The following EIF2S1 variants were observed in gnomAD, a reference collection of about 807,000 sequenced individuals.
The protein encoded by EIF2S1 is eukaryotic translation initiation factor 2 subunit alpha, also known as eukaryotic translation initiation factor 2 subunit 1.
Under a neutral mutation model 33.5 loss-of-function variants are expected in EIF2S1, and 5 were observed. That is an observed-to-expected ratio of 0.15 (90% CI 0.08 to 0.31). EIF2S1 has a LOEUF of 0.31. Among genes scored for constraint, EIF2S1 ranks in the 10% least tolerant of loss-of-function variants. The probability of loss-of-function intolerance (pLI) is 1.00; values close to 1 mark genes in which losing one functional copy is unlikely to be tolerated. For missense variants in EIF2S1, 191 were observed against 384.6 expected (o/e 0.50, Z 4.21); for synonymous variants, 99 against 127.5 (o/e 0.78, Z 1.51).
At chr14:67,379,654 C>CTTTTT (rs541791101) in intron 4 of EIF2S1, among the ~76,000 whole-genome samples, 14 of 119,954 alleles carry the variant, frequency 1.2e-4, no homozygotes, top group Non-Finnish European at 1.6e-4. Flanking sequence ...TTTTCTTTTT[C>CTTTTT]TTTTTTTTTT....
chr14:67,383,145 C>G (rs1311247534), intron 7 of EIF2S1, among the ~76,000 whole-genome samples, 170 bp from the exon 8 acceptor site: 1 of 152,078 alleles, frequency 6.6e-6, no homozygotes, highest in Non-Finnish European at 1.5e-5. Flanking sequence ...AGTTTCACCT[C>G]TTATTTATGT....
In EIF2S1 at chr14:67,364,863, T is replaced by C. The variant is rs763111310; in HGVS notation, c.96T>C (p.Ala32=). Residue 32 remains alanine, a synonymous_variant, in exon 2 of 8, where the codon GCT becomes GCC. Transcript: ENST00000256383. ...TCAGATCCATTGCTGAAATGGGGGC[T>C]TATGTCAGCTTGCTGGAATACAACA... ...VNVRSIAEMG[A]YVSLLEYNNI... 1 of 1,614,054 alleles carries C rather than the reference T, an allele frequency of 6.2e-7. No individual in the cohort carries two copies.
At chr14:67,366,436 G>GA (rs1214824444) in intron 2 of EIF2S1, among the ~76,000 whole-genome samples, 1 of 152,070 alleles carries the variant, frequency 6.6e-6, no homozygotes, top group African/African-American at 2.4e-5. Flanking sequence ...GTTGCAATCA[G>GA]AAAAAATATG....
intron 2 of EIF2S1, among the ~76,000 whole-genome samples, chr14:67,368,205 G>T (rs1168786435): frequency 6.6e-6 from 1 of 152,224 alleles, no homozygotes; most frequent in Non-Finnish European, 1.5e-5. Flanking sequence ...AGGCAGAGCA[G>T]CGTAAACGGC....
intron 7 of EIF2S1, 57 bp downstream of exon 7, chr14:67,382,647 T>A (rs2085894108): frequency 6.3e-7 from 1 of 1,594,660 alleles, no homozygotes; most frequent in East Asian, 2.2e-5. Flanking sequence ...AAAGGAGTTC[T>A]TGTAGGTAAA....
In EIF2S1 at chr14:67,365,794, A is replaced by T. The variant is rs142589940; in HGVS notation, c.241+786A>T. On this transcript the variant is annotated intron_variant, in intron 2 of 7. Coordinates refer to ENST00000256383, the MANE Select transcript of EIF2S1 (RefSeq NM_004094.5). ...TCAACTTACCCTTCTGAATCTCCTCAGCCGTCTGGTTTACTGATACTTTCT... is the reference window on the plus strand; with the variant it reads ...TCAACTTACCCTTCTGAATCTCCTCTGCCGTCTGGTTTACTGATACTTTCT... Among the ~76,000 whole-genome samples, 20 of 152,298 alleles carry T rather than the reference A, an allele frequency of 1.3e-4. No homozygotes were observed. In the East Asian group the frequency reaches 1.5e-3, roughly 12 times the overall value.
In EIF2S1 at chr14:67,373,811, A is replaced by G. The variant is rs534700789; in HGVS notation, c.242-657A>G. ...ACATAGTTACTTGTATATGGTAGTC[A>G]TACAGTAGATTAGATAGTTTTAATT... On this transcript the variant is annotated intron_variant, in intron 2 of 7. Coordinates refer to ENST00000256383, the MANE Select transcript of EIF2S1 (RefSeq NM_004094.5). 7.9e-5 allele frequency among the ~76,000 whole-genome samples: 12 copies of G among 151,646 alleles called. No homozygotes were observed. The South Asian group carries it at 2.5e-3, about 32-fold the overall frequency.
At chr14:67,376,822 T>C (rs890325237) in intron 4 of EIF2S1, among the ~76,000 whole-genome samples, 3 of 152,222 alleles carry the variant, frequency 2.0e-5, no homozygotes, top group Non-Finnish European at 2.9e-5. Context: ...TTCCTAGTTA[T>C]TGTCCTAAGT....
rs759451377 is a variant in EIF2S1 at position 67,364,929 on chromosome 14, G to A, written c.162G>A (p.Arg54=). The change falls in exon 2 of 8, where the codon AGG becomes AGA. Residue 54 remains arginine, a synonymous_variant. Coordinates refer to ENST00000256383, the MANE Select transcript of EIF2S1 (RefSeq NM_004094.5). ...GMILLSELSR[R]RIRSINKLIR... ...TTCTTCTTAGTGAATTATCCAGAAGGCGTATCCGTTCTATCAACAAACTCA... is the reference window on the plus strand; with the variant it reads ...TTCTTCTTAGTGAATTATCCAGAAGACGTATCCGTTCTATCAACAAACTCA... 6 of 1,613,876 alleles carry A rather than the reference G, an allele frequency of 3.7e-6. No homozygotes were observed. In the South Asian group the frequency reaches 4.4e-5, roughly 12 times the overall value.
In EIF2S1 at chr14:67,360,388, C is replaced by G. The variant is rs552422395; in HGVS notation, c.-70C>G. ...GGATCGGCGGCCGGTGAGGGGGAAG[C>G]AAGTCTGGTCTCTGTGATTGAAGAA... On this transcript the variant is annotated 5_prime_UTR_variant, in exon 1 of 8. Coordinates refer to ENST00000256383, the MANE Select transcript of EIF2S1 (RefSeq NM_004094.5). 1.6e-4 allele frequency: 62 copies of G among 395,752 alleles called. No homozygotes were observed. The highest frequency in any genetic ancestry group is 1.2e-3 in the African/African-American group (59 of 48,684). The allele number at this position is 395,752 out of a possible 1,614,324, so 24.5% of individuals were successfully genotyped here.
At chr14:67,373,216 A>G (rs190272203) in intron 2 of EIF2S1, among the ~76,000 whole-genome samples, 8 of 152,300 alleles carry the variant, frequency 5.3e-5, no homozygotes, top group Admixed American at 2.0e-4. Context: ...TCCAGTTTTT[A>G]GTGGCTTCAG....
At chr14:67,374,409 G>T in intron 2 of EIF2S1, 59 bp from the exon 3 acceptor site, 1 of 1,055,166 alleles carries the variant, frequency 9.5e-7, no homozygotes, top group African/African-American at 1.6e-5. Flanking sequence ...TTCAAAGCTG[G>T]TTACAATAGT....
intron 2 of EIF2S1, among the ~76,000 whole-genome samples, chr14:67,365,988 A>T (rs145794384): frequency 6.0e-4 from 92 of 152,292 alleles, no homozygotes; most frequent in Non-Finnish European, 1.0e-4. Context: ...GCCCCGCCCA[A>T]AATTATTAAA....
chr14:67,366,065 A>G (rs908595114), intron 2 of EIF2S1, among the ~76,000 whole-genome samples: 2 of 151,576 alleles, frequency 1.3e-5, no homozygotes, highest in African/African-American at 4.8e-5. Flanking sequence ...TACCTAAAGT[A>G]GTGTCTAATC....
At chr14:67,382,051 C>G (rs2085890157) in intron 6 of EIF2S1, among the ~76,000 whole-genome samples, 1 of 151,990 alleles carries the variant, frequency 6.6e-6, no homozygotes, top group Non-Finnish European at 1.5e-5. Context: ...TGATCAGAAT[C>G]TTTCATTAGT....
At chr14:67,361,205 TTTAAA>T (rs1281995546) in intron 1 of EIF2S1, among the ~76,000 whole-genome samples, 2 of 152,220 alleles carry the variant, frequency 1.3e-5, no homozygotes, top group Admixed American at 1.3e-4. Context: ...ACTTAGGCTT[TTTAAA>T]TTTTTATTAA....
At position 67,383,907 on chromosome 14, in the gene EIF2S1, T is replaced by TAA. The variant is rs1389752039; in HGVS notation, c.*468_*469dup. 4.9e-6 allele frequency: 1 copy of TAA among 202,404 alleles called. No homozygotes were observed. The highest frequency in any genetic ancestry group is 2.4e-5 in the African/African-American group (1 of 42,158). 12.5% of individuals were successfully genotyped at this position (202,404 alleles called of 1,614,324 possible). ...TCACCAGTTAAAAGCATTTTAATAC[T>TAA]AAGACCCTAATTCTTTTATCTTTAT... On this transcript the variant is annotated 3_prime_UTR_variant, in exon 8 of 8. Coordinates refer to ENST00000256383, the MANE Select transcript of EIF2S1 (RefSeq NM_004094.5).
rs188977060 is a variant in EIF2S1 at position 67,380,353 on chromosome 14, T to G, written c.474-306T>G. Among the ~76,000 whole-genome samples, 52 of 152,280 alleles carry G rather than the reference T, an allele frequency of 3.4e-4. No homozygotes were observed. The East Asian group carries it at 9.9e-3, about 29-fold the overall frequency. ...TTTTTTTTCTATTCAAGATAGATTATAAACTCCTTGAGGCAGGGACAGCTA... is the reference window on the plus strand; with the variant it reads ...TTTTTTTTCTATTCAAGATAGATTAGAAACTCCTTGAGGCAGGGACAGCTA... On this transcript the variant is annotated intron_variant, in intron 4 of 7. Transcript: ENST00000256383.
At chr14:67,361,425 T>C (rs1164318327) in intron 1 of EIF2S1, among the ~76,000 whole-genome samples, 1 of 152,232 alleles carries the variant, frequency 6.6e-6, no homozygotes, top group Non-Finnish European at 1.5e-5. Flanking sequence ...GTGATAACTT[T>C]CTTTTTCAAC....
Sources: gnomAD v4.1 joint callset for allele counts (sites outside exome capture counted in the v4.1 genomes callset) on GRCh38, gnomAD v4.1.1 for gene constraint, MANE v1.5 for transcripts, NCBI Gene and HGNC (gene_info 2026-07-23, HGNC 2026-07-21) for gene names.